Variants in ANK2 observed in about 807,000 individuals in gnomAD.
ANK2 encodes the protein ankyrin 2.
Under a neutral mutation model 360.5 loss-of-function variants are expected in ANK2, and 83 were observed. That is an observed-to-expected ratio of 0.23 (90% CI 0.19 to 0.28). The LOEUF (loss-of-function observed/expected upper bound fraction) is 0.28. Ranked by LOEUF, ANK2 falls within the 10% of genes least tolerant of loss-of-function variation. The pLI, the probability that ANK2 is intolerant of heterozygous loss-of-function variation, is 1.00. For missense variants in ANK2, 4,201 were observed against 4,795.7 expected, an observed-to-expected ratio of 0.88 and a Z score of 3.66; for synonymous variants, 1,740 against 1,759.5, an observed-to-expected ratio of 0.99 and a Z score of 0.28.
chr4:112,709,977 G>C, the ANK2 span, among the ~76,000 whole-genome samples: 10 of 152,148 alleles, frequency 6.6e-5, no homozygotes, highest in Non-Finnish European at 1.2e-4. Context: ...CACCAAACTA[G>C]TGTTCCTTCA....
chr4:113,229,163 C>T (rs1193275015), intron 4 of ANK2, among the ~76,000 whole-genome samples: 1 of 152,230 alleles, frequency 6.6e-6, no homozygotes, highest in African/African-American at 2.4e-5. Flanking sequence ...AATTACTACA[C>T]CACCAGTGGC....
chr4:113,354,603 G>A lies in ANK2; in HGVS notation c.5985G>A (p.Lys1995=), dbSNP rs116652427. The change falls in exon 38 of 46, where the codon AAG becomes AAA. Residue 1995 remains lysine (K), a synonymous_variant. Coordinates refer to ENST00000357077, the MANE Select transcript of ANK2 (RefSeq NM_001148.6). The part of the protein sequence containing the change: ...EETMSVRELM[K]AFQSGQDPSK... ...CCATGTCTGTTCGGGAGCTGATGAA[G>A]GCTTTCCAGTCAGGTCAGGACCCTT... 1.6e-4 allele frequency: 255 copies of A among 1,613,996 alleles called. No homozygotes were observed. The African/African-American group carries it at 3.1e-3, about 20-fold the overall frequency.
intron 1 of ANK2, among the ~76,000 whole-genome samples, chr4:112,897,513 C>T (rs1222017447): frequency 3.3e-5 from 5 of 151,998 alleles, no homozygotes; most frequent in East Asian, 1.9e-4. Context: ...AGAGGATTGC[C>T]GATCAGAAAT....
At chr4:113,186,014 A>G (rs1037341814) in intron 2 of ANK2, among the ~76,000 whole-genome samples, 1 of 152,170 alleles carries the variant, frequency 6.6e-6, no homozygotes, top group Non-Finnish European at 1.5e-5. Flanking sequence ...AGCTCTGAAG[A>G]GAGCAGTGGA....
At chr4:113,253,057 T>C (rs2153614384) in intron 10 of ANK2, among the ~76,000 whole-genome samples, 1 of 152,328 alleles carries the variant, frequency 6.6e-6, no homozygotes, top group East Asian at 1.9e-4. Flanking sequence ...GAAGATAATT[T>C]CCAGAGACTC....
rs779053892 is a variant in ANK2, at chr4:113,354,847, A to G, written c.6229A>G (p.Lys2077Glu). Reference protein sequence around the residue: ...GVRVSSIGVKKEDAAGGKEKV... With the variant: ...GVRVSSIGVKEEDAAGGKEKV... ...TCGTGTTTCCTCCATAGGAGTTAAGAAAGAAGATGCAGCTGGAGGAAAGGA... is the reference window on the plus strand; with the variant it reads ...TCGTGTTTCCTCCATAGGAGTTAAGGAAGAAGATGCAGCTGGAGGAAAGGA... The change falls in exon 38 of 46, where the codon AAA becomes GAA. Residue 2077 changes from lysine (K) to glutamate (E), a missense_variant. Lys to Glu is a moderately conservative substitution (Grantham distance 56). Around this residue, in one of 4 missense-constraint regions of ANK2, gnomAD observed 2,642 missense variants for 2,714.5 expected, o/e 0.97. Coordinates refer to ENST00000357077, the MANE Select transcript of ANK2 (RefSeq NM_001148.6). 6.2e-7 allele frequency: 1 copy of G among 1,614,162 alleles called. No homozygotes were observed. The highest frequency in any genetic ancestry group is 8.5e-7 in the Non-Finnish European group (1 of 1,180,018).
intron 2 of ANK2, among the ~76,000 whole-genome samples, chr4:113,016,602 C>A: frequency 6.6e-6 from 1 of 152,096 alleles, no homozygotes; most frequent in East Asian, 1.9e-4. Context: ...TGTGTAATTC[C>A]TCCCTCCACC....
chr4:113,369,328 G>A (rs944594250), intron 42 of ANK2, among the ~76,000 whole-genome samples, 186 bp from the exon 43 acceptor site: 5 of 152,190 alleles, frequency 3.3e-5, no homozygotes, highest in African/African-American at 1.2e-4. Flanking sequence ...AGATCAATGA[G>A]CTACAACTCT....
intron 1 of ANK2, among the ~76,000 whole-genome samples, chr4:112,883,860 ATATATATATG>A (rs200371176): frequency 0.022 from 3,318 of 148,936 alleles, 102 homozygotes; most frequent in African/African-American, 0.067. Flanking sequence ...TCATTCATTC[ATATATATATG>A]TATATATATG....
intron 1 of ANK2, chr4:112,826,711 T>G (rs2058483513): frequency 8.3e-6 from 7 of 842,434 alleles, no homozygotes; most frequent in Non-Finnish European, 1.4e-5. Flanking sequence ...ACAATGCCAG[T>G]GAACACCATA....
chr4:113,113,594 C>T (rs1277670711), intron 1 of ANK2, among the ~76,000 whole-genome samples: 1 of 152,152 alleles, frequency 6.6e-6, no homozygotes, highest in Non-Finnish European at 1.5e-5. Flanking sequence ...ACAAGTTTAT[C>T]CCATTGATGG....
chr4:113,001,073 G>A (rs181801699), intron 2 of ANK2, among the ~76,000 whole-genome samples: 69 of 152,056 alleles, frequency 4.5e-4, no homozygotes, highest in African/African-American at 1.6e-3. Flanking sequence ...GGTGGTTCAC[G>A]CCTGTAATCC....
chr4:112,929,814 C>T (rs879520563), intron 2 of ANK2, among the ~76,000 whole-genome samples: 13 of 152,298 alleles, frequency 8.5e-5, no homozygotes, highest in Admixed American at 7.8e-4. Context: ...ATCCTAATGA[C>T]GCCCCTCTCT....
rs538009169 is a variant in ANK2 at position 112,822,862 on chromosome 4, CAA to C, written c.-40+4599_-40+4600del. ...CCTGTTGAGATCAATGCTAGACCCACAAGAGATTTAAAAAAAAAAACTTGTTC... is the reference window on the plus strand; with the variant it reads ...CCTGTTGAGATCAATGCTAGACCCACGAGATTTAAAAAAAAAAACTTGTTC... On this transcript the variant is annotated intron_variant, in intron 1 of 30. Transcript: ENST00000503271. Among the ~76,000 whole-genome samples the C allele has an allele frequency of 3.7e-3, 519 of 140,108 alleles. 2 individuals are homozygous for C. The highest frequency in any genetic ancestry group is 0.013 in the African/African-American group (486 of 38,584). The allele number at this position is 140,108 out of a possible 152,430, so 91.9% of individuals were successfully genotyped here. A position where few individuals can be genotyped will look rare whatever the true frequency, so the allele number is the denominator to read the frequency against.
intron 45 of ANK2, among the ~76,000 whole-genome samples, chr4:113,377,099 AT>A: frequency 6.6e-6 from 1 of 152,194 alleles, no homozygotes; most frequent in Non-Finnish European, 1.5e-5. Context: ...ATACTTGATA[AT>A]GATAATAAGT....
At chr4:112,956,601 TC>T (rs1275579472) in intron 2 of ANK2, among the ~76,000 whole-genome samples, 1 of 152,202 alleles carries the variant, frequency 6.6e-6, no homozygotes, top group Non-Finnish European at 1.5e-5. Context: ...ATAATTCATG[TC>T]CTAAGCAGCA....
the ANK2 span, among the ~76,000 whole-genome samples, chr4:112,796,322 C>T: frequency 1.3e-5 from 2 of 152,068 alleles, no homozygotes; most frequent in South Asian, 4.2e-4. Flanking sequence ...ACTCGGGAGG[C>T]TGAGGCAGGA....
the ANK2 span, among the ~76,000 whole-genome samples, chr4:112,756,386 G>T: frequency 1.3e-5 from 2 of 152,238 alleles, no homozygotes; most frequent in Non-Finnish European, 2.9e-5. Flanking sequence ...ATCAATTCAC[G>T]TAGAACTAAC....
chr4:113,057,658 T>C (rs1351046572), intron 1 of ANK2, among the ~76,000 whole-genome samples: 1 of 152,182 alleles, frequency 6.6e-6, no homozygotes, highest in Non-Finnish European at 1.5e-5. Context: ...CCCATATCTC[T>C]GTTTATAGAT....
Sources: allele counts gnomAD v4.1 joint callset (sites outside exome capture counted in the v4.1 genomes callset), GRCh38; gene constraint gnomAD v4.1.1; regional missense constraint gnomAD v4.1.1; transcripts MANE v1.5; gene names NCBI Gene and HGNC (gene_info 2026-07-23, HGNC 2026-07-21).